The following ZCCHC2 variants were observed in gnomAD, a reference collection of about 807,000 sequenced individuals.
ZCCHC2 encodes zinc finger CCHC-type containing 2, also known as zinc finger CCHC domain-containing protein 2.
In ZCCHC2, 39 loss-of-function variants were observed where a neutral mutation model predicts 103.6. That is an observed-to-expected ratio of 0.38 (90% CI 0.29 to 0.49). ZCCHC2 has a LOEUF of 0.49. Ranked by LOEUF, ZCCHC2 falls within the 20% of genes least tolerant of loss-of-function variation. The pLI, the probability that ZCCHC2 is intolerant of heterozygous loss-of-function variation, is 0.96. For synonymous variants in ZCCHC2, 687 were observed against 608.9 expected (o/e 1.13, Z -1.89); for missense variants, 1,483 against 1,491.0 (o/e 0.99, Z 0.09).
At chr18:62,546,488 G>A (rs1302477977) in intron 4 of ZCCHC2, among the ~76,000 whole-genome samples, 2 of 152,238 alleles carry the variant, frequency 1.3e-5, no homozygotes, top group African/African-American at 4.8e-5. Context: ...TTAAGGAGTA[G>A]CCTGTTTTCA....
At chr18:62,568,615 T>A (rs1916468175) in intron 11 of ZCCHC2, among the ~76,000 whole-genome samples, 2 of 152,226 alleles carry the variant, frequency 1.3e-5, no homozygotes, top group South Asian at 2.1e-4. Context: ...CTGCTTTTTT[T>A]AAAACATATT....
At chr18:62,525,887 T>C (rs1295342575) in intron 1 of ZCCHC2, 2 of 152,160 alleles carry the variant, frequency 1.3e-5, no homozygotes, top group Non-Finnish European at 2.9e-5. Context: ...CCATTAAATT[T>C]AGAGACAAAA....
In ZCCHC2 at chr18:62,574,552, C is replaced by G. The variant is rs746550438; in HGVS notation, c.2471C>G (p.Ser824Cys). The change falls in exon 13 of 14, where the codon TCT becomes TGT. Residue 824 changes from serine to cysteine, a missense_variant. Ser to Cys is a moderately radical substitution (Grantham distance 112). This residue lies in a region of ZCCHC2 where 884 missense variants were observed against 907.5 expected (regional missense o/e 0.97). Coordinates refer to ENST00000269499, the MANE Select transcript of ZCCHC2 (RefSeq NM_017742.6). ...AAGTTGCCACCACCACAGGGATCTTCTGAGAGCTGCACAGTTAACATCCCA... is the reference window on the plus strand; with the variant it reads ...AAGTTGCCACCACCACAGGGATCTTGTGAGAGCTGCACAGTTAACATCCCA... ...RLKLPPPQGS[S>C]ESCTVNIPQQ... 20 of 1,613,880 alleles carry G rather than the reference C, an allele frequency of 1.2e-5. No individual in the cohort carries two copies. Among genetic ancestry groups the G allele is most frequent in the Admixed American group, 3.3e-5 (2 of 60,004 alleles).
intron 4 of ZCCHC2, among the ~76,000 whole-genome samples, chr18:62,549,176 G>A (rs969299075): frequency 3.3e-5 from 5 of 151,910 alleles, no homozygotes; most frequent in South Asian, 2.1e-4. Context: ...CCGAGATCGC[G>A]CCACTGCGCT....
intron 1 of ZCCHC2, 60 bp downstream of exon 1, chr18:62,524,423 G>C: frequency 7.0e-7 from 1 of 1,426,618 alleles, no homozygotes; most frequent in Non-Finnish European, 9.1e-7. Context: ...CGGCCTCCCC[G>C]GCCTCGCTCT....
At chr18:62,571,438 G>A (rs1598964604) in intron 12 of ZCCHC2, among the ~76,000 whole-genome samples, 1 of 152,310 alleles carries the variant, frequency 6.6e-6, no homozygotes, top group East Asian at 1.9e-4. Context: ...TACAGATCGA[G>A]CTGTTTTTCT....
chr18:62,576,624 CATG>C lies in ZCCHC2; in HGVS notation c.*46_*48del, dbSNP rs1408505268. 1.3e-6 allele frequency: 2 copies of C among 1,575,030 alleles called. No individual in the cohort carries two copies. Among genetic ancestry groups the C allele is most frequent in the South Asian group, 2.2e-5 (2 of 89,426 alleles). On this transcript the variant is annotated 3_prime_UTR_variant, in exon 14 of 14. Coordinates refer to ENST00000269499, the MANE Select transcript of ZCCHC2 (RefSeq NM_017742.6). ...CTTAATACACTCAAGTGTGGGGAGTCATGGGGTGTGGAGGGGAGGAAAGGAAAG... is the reference window on the plus strand; with the variant it reads ...CTTAATACACTCAAGTGTGGGGAGTCGGGTGTGGAGGGGAGGAAAGGAAAG...
At chr18:62,579,984 G>A (rs1916999152), downstream of ZCCHC2, among the ~76,000 whole-genome samples, 1 of 136,890 alleles carries the variant, frequency 7.3e-6, no homozygotes, top group South Asian at 2.6e-4. Context: ...ACCCGCCTTG[G>A]CCTCCCAAAG....
chr18:62,535,243 G>A (rs571140512), intron 1 of ZCCHC2, among the ~76,000 whole-genome samples: 30 of 152,340 alleles, frequency 2.0e-4, no homozygotes, highest in Middle Eastern at 3.4e-3. Flanking sequence ...CTGATGTGGG[G>A]ACTTAAAGAT....
At chr18:62,570,623 T>A (rs954630958) in intron 12 of ZCCHC2, among the ~76,000 whole-genome samples, 7 of 152,234 alleles carry the variant, frequency 4.6e-5, no homozygotes, top group African/African-American at 1.7e-4. Context: ...ACAATTTTTG[T>A]CTTAAAGTCT....
intron 8 of ZCCHC2, among the ~76,000 whole-genome samples, chr18:62,561,271 T>C (rs1219320720): frequency 2.0e-5 from 3 of 152,250 alleles, no homozygotes; most frequent in African/African-American, 4.8e-5. Context: ...TCTTGCCACA[T>C]GTGGACTTCT....
chr18:62,540,485 C>T (rs1326865393), intron 2 of ZCCHC2, among the ~76,000 whole-genome samples: 4 of 147,052 alleles, frequency 2.7e-5, no homozygotes, highest in African/African-American at 1.0e-4. Context: ...ATACATTTTT[C>T]CTCACAGAGG....
chr18:62,539,298 TA>T (rs1456888170), intron 1 of ZCCHC2, among the ~76,000 whole-genome samples: 1 of 152,210 alleles, frequency 6.6e-6, no homozygotes, highest in Non-Finnish European at 1.5e-5. Context: ...AGACTGTTAT[TA>T]AAACCAAACA....
chr18:62,524,079 G>A lies in ZCCHC2; in HGVS notation c.655G>A (p.Asp219Asn). The change falls in exon 1 of 14, where the codon GAC becomes AAC. Residue 219 changes from aspartate (D) to asparagine (N), a missense_variant. Transcript: ENST00000269499. ...RGEGSRGGAE[D>N]ERGEDGDGEQ... ...CGAGGGCTCGCGGGGCGGCGCGGAG[G>A]ACGAGCGCGGCGAGGACGGCGACGG... 1 of 1,509,298 alleles carries A rather than the reference G, an allele frequency of 6.6e-7. No homozygotes were observed. 93.5% of individuals were successfully genotyped at this position (1,509,298 alleles called of 1,614,324 possible).
intron 5 of ZCCHC2, among the ~76,000 whole-genome samples, chr18:62,555,061 C>T (rs564766819): frequency 6.6e-6 from 1 of 152,240 alleles, no homozygotes; most frequent in South Asian, 2.1e-4. Context: ...ATGTTGAGCA[C>T]CTAAGTAGTA....
chr18:62,584,411 G>T (rs1917120017), intron 14 of ZCCHC2: 1 of 152,138 alleles, frequency 6.6e-6, no homozygotes, highest in African/African-American at 2.4e-5. Context: ...GGGGGGTTGG[G>T]TGGTTCTTCA....
intron 1 of ZCCHC2, among the ~76,000 whole-genome samples, chr18:62,530,827 G>A (rs1455260810): frequency 3.9e-5 from 6 of 152,154 alleles, no homozygotes; most frequent in African/African-American, 1.2e-4. Flanking sequence ...ATTAATTATC[G>A]TGCAGTTGTA....
rs115443901 is a variant in ZCCHC2 at position 62,533,398 on chromosome 18, G to A, written c.940-6283G>A. 6.7e-3 allele frequency among the ~76,000 whole-genome samples: 1,023 copies of A among 151,610 alleles called. 10 individuals carry two copies. The highest frequency in any genetic ancestry group is 0.023 in the African/African-American group (945 of 41,300). Reference sequence around the variant, plus strand: ...AAAATTAGTCGGGCGTGTAGTGGGCGCCTGTAATCCCAGTTACTCCTGAGG... The same window carrying A: ...AAAATTAGTCGGGCGTGTAGTGGGCACCTGTAATCCCAGTTACTCCTGAGG... On this transcript the variant is annotated intron_variant, in intron 1 of 13. Transcript: ENST00000269499.
chr18:62,556,835 C>T (rs1048115420), intron 6 of ZCCHC2, among the ~76,000 whole-genome samples: 2 of 152,160 alleles, frequency 1.3e-5, no homozygotes, highest in Admixed American at 6.5e-5. Flanking sequence ...AAGGTAAACC[C>T]TCACTCTTTT....
Sources: allele counts gnomAD v4.1 joint callset (sites outside exome capture counted in the v4.1 genomes callset), GRCh38; gene constraint gnomAD v4.1.1; regional missense constraint gnomAD v4.1.1; transcripts MANE v1.5; gene names NCBI Gene and HGNC (gene_info 2026-07-23, HGNC 2026-07-21).